Variants in CEP162 observed in about 807,000 individuals in gnomAD.
The protein encoded by CEP162 is centrosomal protein 162, also known as centrosomal protein of 162 kDa.
A neutral mutation model predicts 169.2 loss-of-function variants in CEP162; 141 were observed. That is an observed-to-expected ratio of 0.83 (90% confidence interval 0.73 to 0.96). The LOEUF (loss-of-function observed/expected upper bound fraction) is 0.96. Among genes scored for constraint, CEP162 ranks in the 40% least tolerant of loss-of-function variants. The probability of loss-of-function intolerance (pLI) is 0.00; values close to 1 mark genes in which losing one functional copy is unlikely to be tolerated. For synonymous variants in CEP162, 540 were observed against 526.4 expected (o/e 1.03, Z -0.35); for missense variants, 1,600 against 1,587.2 (o/e 1.01, Z -0.14).
intron 9 of CEP162, among the ~76,000 whole-genome samples, chr6:84,198,260 ATATTT>A (rs1273649699): frequency 4.6e-5 from 7 of 152,032 alleles, no homozygotes; most frequent in South Asian, 2.1e-4. Flanking sequence ...TTTCAAGTAT[ATATTT>A]TATTTTATTT....
rs1205200059 is a variant in CEP162, at chr6:84,152,832, G to A, written c.3342C>T (p.Asp1114=). Residue 1114 remains aspartate (D), a synonymous_variant, in exon 23 of 27, where the codon GAC becomes GAT. Coordinates refer to ENST00000403245, the MANE Select transcript of CEP162 (RefSeq NM_014895.4). The stretch of plus-strand genomic sequence containing the variant: ...TCTGATTTGATAGCATCATTCTTCT[G>A]TCTTTCTGAAGCCTCTCCACAGTTT... ...LSKTVERLQK[D]RRMMLSNQNS... is the part of the protein sequence containing the mutation. 2.5e-6 allele frequency: 4 copies of A among 1,613,580 alleles called. No homozygotes were observed. Among genetic ancestry groups the A allele is most frequent in the Non-Finnish European group, 3.4e-6 (4 of 1,179,812 alleles).
rs557529392 is a variant in CEP162 at position 84,211,025 on chromosome 6, T to TA, written c.571+1931dup. On this transcript the variant is annotated intron_variant, in intron 6 of 26. Transcript: ENST00000403245. ...AAAATTCACAATACCCAATATCCAATAAAAAATTACTAGACTTCTAAGAGG... is the reference window on the plus strand; with the variant it reads ...AAAATTCACAATACCCAATATCCAATAAAAAAATTACTAGACTTCTAAGAGG... Among the ~76,000 whole-genome samples, 43 of 151,624 alleles carry TA rather than the reference T, an allele frequency of 2.8e-4. 1 individual carries two copies. The South Asian group carries it at 7.9e-3, about 28-fold the overall frequency.
rs1445651418 is a variant in CEP162, at chr6:84,153,092, C to G, written c.3082G>C (p.Glu1028Gln). The change falls in exon 23 of 27, where the codon GAG (glutamate) becomes CAG (glutamine). Residue 1028 changes from glutamate to glutamine, a missense_variant. By Grantham distance (29) the Glu-to-Gln change is conservative. Transcript: ENST00000403245. ...TCCTTGATGTCATCAAGTTCCTTCTCTAGGGCTTTAATTCTGGGAGAGTCA... is the reference window on the plus strand; with the variant it reads ...TCCTTGATGTCATCAAGTTCCTTCTGTAGGGCTTTAATTCTGGGAGAGTCA... ...QHDSPRIKALEKELDDIKEAH... is the reference protein window; with the variant it reads ...QHDSPRIKALQKELDDIKEAH... 6.2e-7 allele frequency: 1 copy of G among 1,613,164 alleles called. No homozygotes were observed. The highest frequency in any genetic ancestry group is 8.5e-7 in the Non-Finnish European group (1 of 1,179,618).
At chr6:84,219,284 G>A in intron 3 of CEP162, 1 of 570,102 alleles carries the variant, frequency 1.8e-6, no homozygotes, top group Non-Finnish European at 3.0e-6. Flanking sequence ...ATTCCCGTGG[G>A]CAGGGAAACC....
intron 25 of CEP162, among the ~76,000 whole-genome samples, chr6:84,133,347 C>T (rs991477777): frequency 6.6e-6 from 1 of 151,830 alleles, no homozygotes; most frequent in Non-Finnish European, 1.5e-5. Context: ...GTTCTCAGAT[C>T]TCAAACTCCA....
At chr6:84,188,582 A>G (rs1359931909) in intron 11 of CEP162, among the ~76,000 whole-genome samples, 1 of 152,172 alleles carries the variant, frequency 6.6e-6, no homozygotes, top group Non-Finnish European at 1.5e-5. Context: ...TTATGGCTGC[A>G]TGGTATTCCA....
chr6:84,136,304 G>A (rs994822802), intron 25 of CEP162, among the ~76,000 whole-genome samples: 1 of 152,128 alleles, frequency 6.6e-6, no homozygotes, highest in South Asian at 2.1e-4. Context: ...CTTACAGTTC[G>A]GCATCTGGAC....
chr6:84,222,752 G>A (rs1337978504), intron 2 of CEP162, among the ~76,000 whole-genome samples: 1 of 151,578 alleles, frequency 6.6e-6, no homozygotes, highest in Non-Finnish European at 1.5e-5. Flanking sequence ...CTTCTAAAAT[G>A]ACAGGGCGCA....
chr6:84,201,384 G>A (rs898595870), intron 8 of CEP162, among the ~76,000 whole-genome samples: 2 of 152,096 alleles, frequency 1.3e-5, no homozygotes, highest in African/African-American at 2.4e-5. Context: ...ATGTATATAT[G>A]TTACAAGCAT....
chr6:84,151,149 C>G (rs1262312658), intron 23 of CEP162, among the ~76,000 whole-genome samples: 1 of 152,016 alleles, frequency 6.6e-6, no homozygotes, highest in Non-Finnish European at 1.5e-5. Context: ...AGTGATGAGA[C>G]TTGAGATGCT....
intron 13 of CEP162, among the ~76,000 whole-genome samples, chr6:84,181,447 G>A (rs1490691784): frequency 6.6e-6 from 1 of 152,122 alleles, no homozygotes; most frequent in Non-Finnish European, 1.5e-5. Context: ...CATGGGCAAG[G>A]ACTTCATGTC....
intron 5 of CEP162, among the ~76,000 whole-genome samples, chr6:84,213,864 T>A (rs1234216990): frequency 6.6e-6 from 1 of 152,214 alleles, no homozygotes; most frequent in Non-Finnish European, 1.5e-5. Context: ...AGGCCCTGAG[T>A]GTCCCTGCAC....
chr6:84,213,431 T>C (rs910079467), intron 5 of CEP162, among the ~76,000 whole-genome samples: 1 of 152,236 alleles, frequency 6.6e-6, no homozygotes, highest in Non-Finnish European at 1.5e-5. Flanking sequence ...AGCACTTACA[T>C]GCTAATAAGC....
chr6:84,157,371 AT>A (rs1362657812), intron 21 of CEP162, among the ~76,000 whole-genome samples: 3 of 152,186 alleles, frequency 2.0e-5, no homozygotes, highest in African/African-American at 7.2e-5. Flanking sequence ...TCTTAAATTC[AT>A]TAGAAATATA....
At chr6:84,186,057 C>T (rs1354327330) in intron 12 of CEP162, among the ~76,000 whole-genome samples, 1 of 152,022 alleles carries the variant, frequency 6.6e-6, no homozygotes, top group Non-Finnish European at 1.5e-5. Context: ...TTTTCTTATA[C>T]TATTTAAATT....
In CEP162 at chr6:84,185,434, T is replaced by C. The variant is rs762721081; in HGVS notation, c.1416A>G (p.Gln472=). ...DDKINKTYRS[Q]LSSEEEGAVM... ...CAGCCCCTTCTTCTTCAGAACTAAG[T>C]TGAGATCTGTAAGTCTGTACACAAC... Residue 472 remains glutamine (Q), a synonymous_variant, in exon 13 of 27, where the codon CAA becomes CAG. Coordinates refer to ENST00000403245, the MANE Select transcript of CEP162 (RefSeq NM_014895.4). 1.2e-6 allele frequency: 2 copies of C among 1,613,262 alleles called. No individual in the cohort carries two copies. Among genetic ancestry groups the C allele is most frequent in the African/African-American group, 1.3e-5 (1 of 75,026 alleles).
chr6:84,131,049 C>T (rs186486809), intron 25 of CEP162, among the ~76,000 whole-genome samples: 128 of 152,196 alleles, frequency 8.4e-4, no homozygotes, highest in African/African-American at 2.7e-3. Flanking sequence ...GATTCTGGTA[C>T]GTCATGTCTT....
At chr6:84,178,412 C>G (rs1398252766) in intron 13 of CEP162, among the ~76,000 whole-genome samples, 9 of 151,982 alleles carry the variant, frequency 5.9e-5, no homozygotes, top group African/African-American at 1.9e-4. Flanking sequence ...AATTTTGAAG[C>G]TGGGTGAGGG....
At chr6:84,142,071 A>G (rs543551100) in intron 25 of CEP162, among the ~76,000 whole-genome samples, 1 of 152,306 alleles carries the variant, frequency 6.6e-6, no homozygotes, top group Admixed American at 6.5e-5. Context: ...ACTAAAGAAA[A>G]AAAGGCAGCC....
Sources: gnomAD v4.1 joint callset for allele counts (sites outside exome capture counted in the v4.1 genomes callset) on GRCh38, gnomAD v4.1.1 for gene constraint, MANE v1.5 for transcripts, NCBI Gene and HGNC (gene_info 2026-07-23, HGNC 2026-07-21) for gene names.